The following GNAL variants were observed in gnomAD, a reference collection of about 807,000 sequenced individuals.
GNAL encodes G protein subunit alpha L.
GNAL carries 18 observed loss-of-function variants against 55.1 expected under a neutral mutation model. The ratio of observed to expected loss-of-function variants is 0.33; its 90% confidence interval spans 0.23 to 0.48. The LOEUF (loss-of-function observed/expected upper bound fraction) is 0.48, where lower values mean the gene tolerates loss of function less well. GNAL is among the 20% of genes least tolerant of loss of function. The pLI is 0.99. For missense variants in GNAL, 412 were observed against 614.1 expected, an observed-to-expected ratio of 0.67 and a Z score of 3.48; for synonymous variants, 253 against 237.0, an observed-to-expected ratio of 1.07 and a Z score of -0.62.
intron 4 of GNAL, among the ~76,000 whole-genome samples, chr18:11,769,611 A>T (rs1439279820): frequency 1.3e-5 from 2 of 152,240 alleles, no homozygotes; most frequent in African/African-American, 4.8e-5. Flanking sequence ...TTTATTACAC[A>T]TGCACGTAAT....
In GNAL at chr18:11,809,261, A is replaced by C. The variant is rs1472684287; in HGVS notation, c.625-15657A>C. 2.6e-5 allele frequency among the ~76,000 whole-genome samples: 4 copies of C among 151,996 alleles called. No individual in the cohort carries two copies. In the East Asian group the frequency reaches 7.7e-4, roughly 29 times the overall value. Reference sequence around the variant, plus strand: ...CGACAGAGCGAGACTCTATCTCAAAAAAAAAAAGGAAGAAAGCAGGAGGCT... The same window carrying C: ...CGACAGAGCGAGACTCTATCTCAAACAAAAAAAGGAAGAAAGCAGGAGGCT... On this transcript the variant is annotated intron_variant, in intron 4 of 11. Transcript: ENST00000334049.
chr18:11,834,345 G>A (rs960211528), intron 5 of GNAL, among the ~76,000 whole-genome samples: 2 of 152,094 alleles, frequency 1.3e-5, no homozygotes, highest in African/African-American at 2.4e-5. Flanking sequence ...CAAAAATGGG[G>A]TCTTTTGTTA....
At chr18:11,814,898 C>CAA (rs1260063707) in intron 4 of GNAL, among the ~76,000 whole-genome samples, 9 of 85,940 alleles carry the variant, frequency 1.0e-4, no homozygotes, top group Non-Finnish European at 1.2e-4. Flanking sequence ...AACTCCATCT[C>CAA]AAAAAAAAAA....
chr18:11,844,359 G>A (rs535905222), intron 5 of GNAL, among the ~76,000 whole-genome samples: 113 of 151,706 alleles, frequency 7.4e-4, no homozygotes, highest in African/African-American at 2.7e-3. Flanking sequence ...GCTTGAACCC[G>A]GGAAGCAGAG....
intron 1 of GNAL, among the ~76,000 whole-genome samples, chr18:11,730,835 GCTAT>G (rs2032323494): frequency 6.6e-6 from 1 of 152,136 alleles, no homozygotes; most frequent in Non-Finnish European, 1.5e-5. Context: ...AAGGGGGTCG[GCTAT>G]CTGTCATGTG....
intron 4 of GNAL, among the ~76,000 whole-genome samples, chr18:11,788,897 GAA>G (rs1162398867): frequency 8.4e-4 from 69 of 82,508 alleles, no homozygotes; most frequent in African/African-American, 3.8e-3. Context: ...ACTCCGTCTC[GAA>G]AAAAAAAAAA....
intron 1 of GNAL, among the ~76,000 whole-genome samples, chr18:11,714,310 A>G (rs2031903505): frequency 2.6e-5 from 4 of 152,194 alleles, no homozygotes; most frequent in Admixed American, 2.6e-4. Flanking sequence ...TGCTTTTTCC[A>G]AAAGAGGATT....
intron 5 of GNAL, among the ~76,000 whole-genome samples, chr18:11,843,969 A>G (rs1355687749): frequency 1.3e-5 from 2 of 151,952 alleles, no homozygotes; most frequent in South Asian, 2.1e-4. Context: ...GTGAAACTCC[A>G]TCTCAAAAAA....
At chr18:11,742,180 C>T (rs1391222689) in intron 1 of GNAL, among the ~76,000 whole-genome samples, 2 of 152,216 alleles carry the variant, frequency 1.3e-5, no homozygotes, top group African/African-American at 2.4e-5. Context: ...TTACACTGTG[C>T]TCAGCTGAGT....
At chr18:11,710,475 AT>A (rs1174580741) in intron 1 of GNAL, among the ~76,000 whole-genome samples, 2 of 152,172 alleles carry the variant, frequency 1.3e-5, no homozygotes, top group Admixed American at 6.5e-5. Flanking sequence ...TTGTCTACAT[AT>A]TTACCTTTAC....
intron 1 of GNAL, among the ~76,000 whole-genome samples, chr18:11,741,326 A>G (rs1243340434): frequency 6.6e-6 from 1 of 152,230 alleles, no homozygotes; most frequent in African/African-American, 2.4e-5. Flanking sequence ...GCATTCTATA[A>G]TCATCAAATG....
chr18:11,825,054 G>A, intron 5 of GNAL, 39 bp downstream of exon 5: 1 of 1,056,870 alleles, frequency 9.5e-7, no homozygotes, highest in East Asian at 2.4e-5. Flanking sequence ...GCCCTTTGAA[G>A]AATATGATTG....
chr18:11,858,297 C>T (rs1219800366), intron 5 of GNAL, among the ~76,000 whole-genome samples: 1 of 152,094 alleles, frequency 6.6e-6, no homozygotes, highest in Non-Finnish European at 1.5e-5. Flanking sequence ...TTAACTACTT[C>T]CTTATAGTGT....
At chr18:11,839,339 T>C (rs60726454) in intron 5 of GNAL, among the ~76,000 whole-genome samples, 2 of 150,954 alleles carry the variant, frequency 1.3e-5, no homozygotes, top group Non-Finnish European at 2.9e-5. Flanking sequence ...AGCCTAGGAG[T>C]TTGAGAGCAG....
At chr18:11,878,814 T>G (rs2036590986) in intron 11 of GNAL, among the ~76,000 whole-genome samples, 1 of 152,048 alleles carries the variant, frequency 6.6e-6, no homozygotes. Context: ...GTGATCCTCC[T>G]GCCTCCACCT....
intron 1 of GNAL, among the ~76,000 whole-genome samples, chr18:11,696,088 A>G (rs183989828): frequency 6.6e-6 from 1 of 152,340 alleles, no homozygotes; most frequent in Admixed American, 6.5e-5. Flanking sequence ...GGCCTTGGGC[A>G]TATCCTTATT....
At chr18:11,763,474 C>T (rs777502122) in intron 4 of GNAL, among the ~76,000 whole-genome samples, 3 of 151,676 alleles carry the variant, frequency 2.0e-5, no homozygotes, top group Non-Finnish European at 1.5e-5. Flanking sequence ...TGCAGTGGTG[C>T]GATCTCGGCT....
chr18:11,769,043 A>G (rs1237973636), intron 4 of GNAL, among the ~76,000 whole-genome samples: 5 of 106,542 alleles, frequency 4.7e-5, no homozygotes, highest in Non-Finnish European at 8.4e-5. Flanking sequence ...TATATAATAT[A>G]TAATATATAT....
At chr18:11,807,342 G>C (rs1361699778) in intron 4 of GNAL, among the ~76,000 whole-genome samples, 1 of 152,188 alleles carries the variant, frequency 6.6e-6, no homozygotes, top group East Asian at 1.9e-4. Flanking sequence ...GTGGTGAGAA[G>C]GGTGGGAACA....
Sources: allele counts gnomAD v4.1 joint callset (sites outside exome capture counted in the v4.1 genomes callset), GRCh38; gene constraint gnomAD v4.1.1; transcripts MANE v1.5; gene names NCBI Gene and HGNC (gene_info 2026-07-23, HGNC 2026-07-21).